MECOM: variants seen among roughly 807,000 people sequenced by gnomAD.
MECOM encodes the protein MDS1 and EVI1 complex locus, also known as histone-lysine N-methyltransferase MECOM.
Under a neutral mutation model 116.3 loss-of-function variants are expected in MECOM, and 13 were observed. The observed-to-expected ratio is 0.11, with a 90% CI of 0.07 to 0.18. The LOEUF (loss-of-function observed/expected upper bound fraction) is 0.18, where lower values mean the gene tolerates loss of function less well. Ranked by LOEUF, MECOM falls within the 10% of genes least tolerant of loss-of-function variation. MECOM has a pLI of 1.00. For missense variants in MECOM, 1,299 were observed against 1,509.0 expected, an observed-to-expected ratio of 0.86 and a Z score of 2.31; for synonymous variants, 528 against 535.2, an observed-to-expected ratio of 0.99 and a Z score of 0.19.
At chr3:169,248,741 G>A (rs1453555453) in intron 2 of MECOM, among the ~76,000 whole-genome samples, 1 of 152,106 alleles carries the variant, frequency 6.6e-6, no homozygotes, top group Non-Finnish European at 1.5e-5. Context: ...AGAAATGTTG[G>A]AAACACAAAG....
intron 2 of MECOM, among the ~76,000 whole-genome samples, chr3:169,378,464 A>AGAAG (rs1731605663): frequency 6.3e-5 from 4 of 63,030 alleles, no homozygotes; most frequent in South Asian, 8.5e-4. Context: ...AAAGCAAGCA[A>AGAAG]GCAAGCAAGC....
At chr3:169,211,186 G>A (rs183453296) in intron 2 of MECOM, among the ~76,000 whole-genome samples, 5 of 152,094 alleles carry the variant, frequency 3.3e-5, no homozygotes, top group East Asian at 1.9e-4. Flanking sequence ...ATTTCCCAAC[G>A]TGGCAGTACC....
chr3:169,103,089 C>T (rs1473019803), intron 10 of MECOM, among the ~76,000 whole-genome samples: 6 of 150,236 alleles, frequency 4.0e-5, no homozygotes, highest in Non-Finnish European at 8.9e-5. Context: ...GAGTCACAAG[C>T]AGAAGATGGC....
chr3:169,532,356 G>C (rs991192823), intron 1 of MECOM, among the ~76,000 whole-genome samples: 7 of 152,174 alleles, frequency 4.6e-5, no homozygotes, highest in African/African-American at 1.4e-4. Context: ...CATTGAAATA[G>C]AAATCACTGG....
At chr3:169,494,258 T>A in intron 1 of MECOM, among the ~76,000 whole-genome samples, 1 of 152,064 alleles carries the variant, frequency 6.6e-6, no homozygotes, top group East Asian at 1.9e-4. Flanking sequence ...ACTGATAAAT[T>A]TTTGAGAGGG....
intron 1 of MECOM, among the ~76,000 whole-genome samples, chr3:169,397,574 C>T (rs1161754396): frequency 6.6e-6 from 1 of 152,176 alleles, no homozygotes; most frequent in East Asian, 1.9e-4. Context: ...ACATGAAGAA[C>T]TTTCTTGATG....
At chr3:169,088,576 A>C (rs2148835743) in intron 16 of MECOM, among the ~76,000 whole-genome samples, 1 of 152,336 alleles carries the variant, frequency 6.6e-6, no homozygotes, top group East Asian at 1.9e-4. Flanking sequence ...CTAACAATTT[A>C]CTAGACATAG....
intron 1 of MECOM, among the ~76,000 whole-genome samples, chr3:169,620,763 G>T (rs1398889087): frequency 2.0e-5 from 3 of 152,210 alleles, no homozygotes; most frequent in Admixed American, 2.0e-4. Flanking sequence ...TGACACCGCA[G>T]ATTCTAAAGC....
chr3:169,149,622 T>C, intron 2 of MECOM: 1 of 472,162 alleles, frequency 2.1e-6, no homozygotes, highest in Non-Finnish European at 4.3e-6. Flanking sequence ...CCTTCCGAGC[T>C]ACGAGAGGAA....
chr3:169,462,887 T>C lies in MECOM; in HGVS notation c.38-81363A>G, dbSNP rs562297906. Among the ~76,000 whole-genome samples, 253 of 152,320 alleles carry C rather than the reference T, an allele frequency of 1.7e-3. 2 individuals carry two copies. The highest frequency in any genetic ancestry group is 5.8e-3 in the African/African-American group (242 of 41,588). On this transcript the variant is annotated intron_variant, in intron 1 of 16. Transcript: ENST00000651503. ...TCTAAATTATTTGTTCATGAAACTT[T>C]GTAAAACATGCAAATTTTAAAGAAC...
At chr3:169,101,189 C>A (rs1377558159) in intron 11 of MECOM, among the ~76,000 whole-genome samples, 2 of 152,172 alleles carry the variant, frequency 1.3e-5, no homozygotes, top group Admixed American at 1.3e-4. Flanking sequence ...CACTTATAAG[C>A]AAGCAATTTA....
chr3:169,225,387 T>C (rs74714359), intron 2 of MECOM, among the ~76,000 whole-genome samples: 15,278 of 152,036 alleles, frequency 0.1, 953 homozygotes, highest in East Asian at 0.31. Context: ...ATAGAGTGGT[T>C]TGAGGTGGGC....
At position 169,492,935 on chromosome 3, in the gene MECOM, C is replaced by T. The variant is rs147990056; in HGVS notation, c.38-111411G>A. Reference sequence around the variant, plus strand: ...AGATCACACCACGGCACTCCAGCCTCGAAGACAGAGAGAGACTCCATTTTA... The same window carrying T: ...AGATCACACCACGGCACTCCAGCCTTGAAGACAGAGAGAGACTCCATTTTA... On this transcript the variant is annotated intron_variant, in intron 1 of 16. Transcript: ENST00000651503. Among the ~76,000 whole-genome samples, 1,361 of 152,134 alleles carry T rather than the reference C, an allele frequency of 8.9e-3. 24 individuals are homozygous for T. The highest frequency in any genetic ancestry group is 0.03 in the African/African-American group (1,263 of 41,494).
chr3:169,207,254 G>A (rs995647009), intron 2 of MECOM, among the ~76,000 whole-genome samples: 1 of 152,176 alleles, frequency 6.6e-6, no homozygotes, highest in Non-Finnish European at 1.5e-5. Context: ...AGGCGTTCCA[G>A]GTTAAGAATA....
intron 1 of MECOM, among the ~76,000 whole-genome samples, chr3:169,392,182 C>T (rs1734316353): frequency 6.6e-6 from 1 of 152,164 alleles, no homozygotes; most frequent in Non-Finnish European, 1.5e-5. Context: ...CCCATTATAT[C>T]ACCAGCTAGT....
intron 2 of MECOM, among the ~76,000 whole-genome samples, chr3:169,173,746 T>C (rs1401359587): frequency 2.6e-5 from 4 of 152,198 alleles, no homozygotes; most frequent in Non-Finnish European, 5.9e-5. Flanking sequence ...TACTTTATCT[T>C]GTGTAAAAAT....
chr3:169,259,578 A>T (rs1382996217), intron 2 of MECOM, among the ~76,000 whole-genome samples: 2 of 151,906 alleles, frequency 1.3e-5, no homozygotes, highest in South Asian at 2.1e-4. Flanking sequence ...TTAAAAAAAA[A>T]TTTTGCCTGA....
Position 169,094,197 on chromosome 3 carries a change from A to T in MECOM, c.3019+879T>A, listed in dbSNP as rs115183233. Reference sequence around the variant, plus strand: ...AATAATGTGCCTTTATAGGGGAAGAAAGATTAATAATTAAAAAATTCCATA... The same window carrying T: ...AATAATGTGCCTTTATAGGGGAAGATAGATTAATAATTAAAAAATTCCATA... On this transcript the variant is annotated intron_variant, in intron 13 of 16. Coordinates refer to ENST00000651503, the MANE Select transcript of MECOM (RefSeq NM_004991.4). 4.0e-3 allele frequency among the ~76,000 whole-genome samples: 608 copies of T among 152,324 alleles called. 3 individuals carry two copies. Among genetic ancestry groups the T allele is most frequent in the South Asian group, 0.017 (80 of 4,826 alleles).
chr3:169,535,156 T>G (rs914939527), intron 1 of MECOM, among the ~76,000 whole-genome samples: 1 of 152,132 alleles, frequency 6.6e-6, no homozygotes, highest in Non-Finnish European at 1.5e-5. Context: ...TTAACTAATA[T>G]GCATCCACAT....
Sources: gnomAD v4.1 joint callset for allele counts (sites outside exome capture counted in the v4.1 genomes callset) on GRCh38, gnomAD v4.1.1 for gene constraint, MANE v1.5 for transcripts, NCBI Gene and HGNC (gene_info 2026-07-23, HGNC 2026-07-21) for gene names.